Variants in SAMD5 observed in about 807,000 individuals in gnomAD.
SAMD5 encodes the protein sterile alpha motif domain containing 5.
A neutral mutation model predicts 11.3 loss-of-function variants in SAMD5; 13 were observed. The observed-to-expected ratio is 1.15, with a 90% CI of 0.75 to 1.83. The LOEUF is 1.83. SAMD5 is among the 40% of genes most tolerant of loss of function. SAMD5 has a pLI of 0.00. For synonymous variants in SAMD5, 129 were observed against 111.3 expected, an observed-to-expected ratio of 1.16 and a Z score of -1.00; for missense variants, 255 against 239.1, an observed-to-expected ratio of 1.07 and a Z score of -0.44.
rs73787389 is a variant in SAMD5, at chr6:147,722,912, T to C, written c.163-14405T>C. Among the ~76,000 whole-genome samples, 128 of 152,352 alleles carry C rather than the reference T, an allele frequency of 8.4e-4. 1 individual carries two copies. The highest frequency in any genetic ancestry group is 3.0e-3 in the African/African-American group (123 of 41,584). Reference sequence around the variant, plus strand: ...TTGTTGTTATTATAATTAATCTTTGTGTTTCTTGGACTTCGAATTCTTCCA... The same window carrying C: ...TTGTTGTTATTATAATTAATCTTTGCGTTTCTTGGACTTCGAATTCTTCCA... On this transcript the variant is annotated intron_variant, in intron 1 of 1. Coordinates refer to the SAMD5 transcript ENST00000566741.
intron 1 of SAMD5, among the ~76,000 whole-genome samples, chr6:147,677,738 A>G (rs78125958): frequency 0.017 from 2,561 of 152,080 alleles, 77 homozygotes; most frequent in African/African-American, 0.059. Flanking sequence ...GGCACTGTAA[A>G]GGGATGGGGA....
Position 147,635,688 on chromosome 6 carries a change from C to T in SAMD5, c.163-101629C>T, listed in dbSNP as rs968273183. Among the ~76,000 whole-genome samples, 4 of 152,196 alleles carry T rather than the reference C, an allele frequency of 2.6e-5. No homozygotes were observed. In the East Asian group the frequency reaches 7.7e-4, roughly 29 times the overall value. On this transcript the variant is annotated intron_variant, in intron 1 of 1. Transcript: ENST00000566741. ...ATAGGAGACATCATGTAAGCAGAGG[C>T]CTTAAATGTGCTTGCAACCTTTGGC...
At chr6:147,636,726 C>T (rs913803700) in intron 1 of SAMD5, among the ~76,000 whole-genome samples, 3 of 152,218 alleles carry the variant, frequency 2.0e-5, no homozygotes, top group Non-Finnish European at 4.4e-5. Flanking sequence ...CTTTTCTACA[C>T]CTAATAATCC....
chr6:147,648,294 C>G (rs1339884962), intron 1 of SAMD5, among the ~76,000 whole-genome samples: 1 of 152,166 alleles, frequency 6.6e-6, no homozygotes, highest in Non-Finnish European at 1.5e-5. Context: ...AGAATGAACA[C>G]AGGAGGAACT....
chr6:147,676,959 A>C (rs1790872659), intron 1 of SAMD5, among the ~76,000 whole-genome samples: 1 of 152,144 alleles, frequency 6.6e-6, no homozygotes, highest in Non-Finnish European at 1.5e-5. Context: ...GCCAGATAAA[A>C]ATAAAATTAG....
chr6:147,747,024 TC>T, the SAMD5 span, among the ~76,000 whole-genome samples: 2 of 152,156 alleles, frequency 1.3e-5, no homozygotes, highest in African/African-American at 4.8e-5. Flanking sequence ...AAATATCATG[TC>T]AAAAGAAAGG....
chr6:147,941,264 T>A, the SAMD5 span, among the ~76,000 whole-genome samples: 1 of 149,122 alleles, frequency 6.7e-6, no homozygotes, highest in African/African-American at 2.5e-5. Context: ...ATCTGGTGAT[T>A]CAGGGCCATG....
the SAMD5 span, among the ~76,000 whole-genome samples, chr6:147,886,098 T>C: frequency 1.3e-5 from 2 of 152,170 alleles, no homozygotes; most frequent in Non-Finnish European, 2.9e-5. Context: ...GAAATCCAAC[T>C]GTGTATTAAA....
At chr6:147,642,875 A>G (rs1475409674) in intron 1 of SAMD5, among the ~76,000 whole-genome samples, 1 of 152,128 alleles carries the variant, frequency 6.6e-6, no homozygotes, top group Non-Finnish European at 1.5e-5. Context: ...CAGTGCTAAT[A>G]TGAACAGGGT....
chr6:147,804,332 G>A, the SAMD5 span, among the ~76,000 whole-genome samples: 24 of 151,824 alleles, frequency 1.6e-4, 1 homozygote, highest in Non-Finnish European at 2.4e-4. Flanking sequence ...GGCTGGTCTC[G>A]ATCTCCTGAC....
Position 147,564,664 on chromosome 6 carries a change from T to C in SAMD5, c.*208T>C. ...CAGCTAGAAATAAGGCAGTGAACTATCACGCATAAAGAAGTATTGAGTTCA... is the reference window on the plus strand; with the variant it reads ...CAGCTAGAAATAAGGCAGTGAACTACCACGCATAAAGAAGTATTGAGTTCA... On this transcript the variant is annotated 3_prime_UTR_variant, in exon 2 of 2. Transcript: ENST00000367474. 7.5e-7 allele frequency: 1 copy of C among 1,341,358 alleles called. No homozygotes were observed. The highest frequency in any genetic ancestry group is 9.6e-7 in the Non-Finnish European group (1 of 1,044,716). The allele number at this position is 1,341,358 out of a possible 1,614,324, so 83.1% of individuals were successfully genotyped here.
At chr6:147,520,225 C>T (rs1178156470) in intron 1 of SAMD5, among the ~76,000 whole-genome samples, 1 of 150,258 alleles carries the variant, frequency 6.7e-6, no homozygotes, top group African/African-American at 2.5e-5. Context: ...TCAAGCGATT[C>T]TCCTGCCTTA....
chr6:147,638,633 G>A (rs1790267051), intron 1 of SAMD5, among the ~76,000 whole-genome samples: 3 of 152,142 alleles, frequency 2.0e-5, no homozygotes, highest in Admixed American at 2.0e-4. Context: ...GGGTAACTGT[G>A]TGTGCGTGGC....
At chr6:147,841,586 T>G in the SAMD5 span, among the ~76,000 whole-genome samples, 1 of 152,240 alleles carries the variant, frequency 6.6e-6, no homozygotes, top group Admixed American at 6.5e-5. Flanking sequence ...AGGAGGAAAT[T>G]GGTTTTCCTG....
the SAMD5 span, among the ~76,000 whole-genome samples, chr6:147,830,432 T>A: frequency 6.6e-6 from 1 of 151,760 alleles, no homozygotes. Flanking sequence ...AATTTTTGTA[T>A]TTTTAGTGGA....
the SAMD5 span, among the ~76,000 whole-genome samples, chr6:147,745,777 C>CTTT: frequency 3.0e-5 from 4 of 133,258 alleles, no homozygotes; most frequent in Non-Finnish European, 4.9e-5. Context: ...TTCTTTCTTT[C>CTTT]TTTTTTTTTT....
the SAMD5 span, among the ~76,000 whole-genome samples, chr6:147,808,107 C>G: frequency 6.6e-6 from 1 of 152,184 alleles, no homozygotes; most frequent in African/African-American, 2.4e-5. Flanking sequence ...TTCAGAGAAA[C>G]CTGTTGGGAT....
chr6:147,521,724 T>A (rs958706942), intron 1 of SAMD5, among the ~76,000 whole-genome samples: 1 of 152,130 alleles, frequency 6.6e-6, no homozygotes, highest in African/African-American at 2.4e-5. Flanking sequence ...ATATTTATAA[T>A]GTTATACATA....
chr6:147,944,857 G>A, the SAMD5 span, among the ~76,000 whole-genome samples: 62 of 152,140 alleles, frequency 4.1e-4, no homozygotes, highest in Non-Finnish European at 6.3e-4. Flanking sequence ...CCTCTTCCTT[G>A]CTTCTGGTGA....
Sources: allele counts gnomAD v4.1 joint callset (sites outside exome capture counted in the v4.1 genomes callset), GRCh38; gene constraint gnomAD v4.1.1; transcripts MANE v1.5; gene names NCBI Gene and HGNC (gene_info 2026-07-23, HGNC 2026-07-21).